TXNL4B: variants seen among roughly 807,000 people sequenced by gnomAD.
The protein encoded by TXNL4B is thioredoxin like 4B, also known as thioredoxin-like protein 4B.
Under a neutral mutation model 13.0 loss-of-function variants are expected in TXNL4B, and 12 were observed. The observed-to-expected ratio is 0.92, with a 90% confidence interval of 0.59 to 1.49. TXNL4B has a LOEUF of 1.49. Ranked by LOEUF, TXNL4B falls within the 40% of genes most tolerant of loss-of-function variation. The pLI is 0.00. For missense variants in TXNL4B, 214 were observed against 173.6 expected, an observed-to-expected ratio of 1.23 and a Z score of -1.31; for synonymous variants, 59 against 58.9, an observed-to-expected ratio of 1.00 and a Z score of -0.01.
chr16:72,088,847 T>G (rs1244503689), intron 3 of TXNL4B, 140 bp downstream of exon 3: 9 of 551,344 alleles, frequency 1.6e-5, no homozygotes, highest in Non-Finnish European at 2.5e-5. Context: ...GCATAAAAAA[T>G]TAGAGAGTGC....
rs1597429320 is a variant in TXNL4B, at chr16:72,088,848, T to C, written c.284+139A>G. 1.3e-5 allele frequency: 7 copies of C among 552,982 alleles called. No homozygotes were observed. The East Asian group carries it at 2.0e-4, about 16-fold the overall frequency. 34.3% of individuals were successfully genotyped at this position (552,982 alleles called of 1,614,324 possible). The stretch of plus-strand genomic sequence containing the variant: ...TGTAGCAAGGTTTTGCATAAAAAAT[T>C]AGAGAGTGCGTCAATTGGGGAAACA... On this transcript the variant is annotated intron_variant, in intron 3 of 3. Coordinates refer to ENST00000268483, the MANE Select transcript of TXNL4B (RefSeq NM_017853.3).
At chr16:72,088,206 C>T (rs565704246) in intron 3 of TXNL4B, among the ~76,000 whole-genome samples, 22 of 152,180 alleles carry the variant, frequency 1.4e-4, no homozygotes, top group African/African-American at 3.1e-4. Context: ...TCAAATGATC[C>T]GCCTGCCTTG....
Position 72,085,099 on chromosome 16 carries a change from T to C in TXNL4B, c.*1538A>G. 1 of 398,396 alleles carries C rather than the reference T, an allele frequency of 2.5e-6. No homozygotes were observed. The highest frequency in any genetic ancestry group is 4.4e-6 in the Non-Finnish European group (1 of 226,030). The allele number at this position is 398,396 out of a possible 1,614,324, so 24.7% of individuals were successfully genotyped here. ...CAGAGGTGATGGCCTCCTCCTCTCC[T>C]TTTGTCTTATTCCTGGAGTGACTCC... On this transcript the variant is annotated 3_prime_UTR_variant, in exon 4 of 4. Transcript: ENST00000268483.
At chr16:72,087,649 TTGTG>T (rs1253075451) in intron 3 of TXNL4B, among the ~76,000 whole-genome samples, 1 of 112,742 alleles carries the variant, frequency 8.9e-6, no homozygotes, top group East Asian at 2.1e-4. Context: ...TAAAATACTT[TTGTG>T]TTTTTTTTTT....
In TXNL4B at chr16:72,085,006, TAAG is replaced by T. The variant is rs1567594376; in HGVS notation, c.*1628_*1630del. 2 of 398,514 alleles carry T rather than the reference TAAG, an allele frequency of 5.0e-6. No individual in the cohort carries two copies. Among genetic ancestry groups the T allele is most frequent in the Non-Finnish European group, 8.8e-6 (2 of 226,084 alleles). 24.7% of individuals were successfully genotyped at this position (398,514 alleles called of 1,614,324 possible). A position where few individuals can be genotyped will look rare whatever the true frequency, so the allele number is the denominator to read the frequency against. On this transcript the variant is annotated 3_prime_UTR_variant, in exon 4 of 4. Transcript: ENST00000268483. ...CGTGATGCTGGGCACCTCGGGGACC[TAAG>T]ATGGCTGTTGTAGCTCCATGCATCA...
intron 2 of TXNL4B, 95 bp downstream of exon 2, chr16:72,090,523 C>T: frequency 2.3e-6 from 3 of 1,332,700 alleles, no homozygotes; most frequent in Admixed American, 1.9e-5. Context: ...GCTATATACC[C>T]AACCCTGACT....
intron 3 of TXNL4B, among the ~76,000 whole-genome samples, chr16:72,087,626 G>C (rs1347267031): frequency 1.3e-5 from 2 of 150,228 alleles, no homozygotes; most frequent in Admixed American, 1.3e-4. Context: ...TGTTCCAGTA[G>C]AATAAACAGC....
chr16:72,086,509 A>T lies in TXNL4B; in HGVS notation c.*128T>A. 1 of 819,998 alleles carries T rather than the reference A, an allele frequency of 1.2e-6. No homozygotes were observed. The highest frequency in any genetic ancestry group is 1.8e-6 in the Non-Finnish European group (1 of 550,622). The allele number at this position is 819,998 out of a possible 1,614,324, so 50.8% of individuals were successfully genotyped here. ...CTTTTCCTCAGGGGCCGGGTTTTCT[A>T]CACGCAAGTCAAACCTCTTCTCCTC... On this transcript the variant is annotated 3_prime_UTR_variant, in exon 4 of 4. Transcript: ENST00000268483.
chr16:72,088,840 TA>T, intron 3 of TXNL4B, 146 bp downstream of exon 3: 1 of 535,438 alleles, frequency 1.9e-6, no homozygotes, highest in Non-Finnish European at 3.2e-6. Context: ...AGGTTTTGCA[TA>T]AAAAATTAGA....
upstream of TXNL4B, chr16:72,093,704 CT>C: frequency 1.3e-5 from 2 of 152,574 alleles, no homozygotes; most frequent in Non-Finnish European, 2.9e-5. Flanking sequence ...GATGGTCGAC[CT>C]TTTTCCCCTC....
chr16:72,090,493 A>G, intron 2 of TXNL4B, 125 bp downstream of exon 2: 6 of 931,656 alleles, frequency 6.4e-6, no homozygotes, highest in Non-Finnish European at 8.0e-6. Flanking sequence ...ATCAGCTCTT[A>G]GTGAACTAAC....
upstream of TXNL4B, chr16:72,094,061 CCTT>C (rs1468673397): frequency 6.6e-6 from 1 of 152,300 alleles, no homozygotes; most frequent in Non-Finnish European, 1.5e-5. Context: ...GGTGAGAGTC[CCTT>C]CTTCCTTCCT....
rs12325171 is a variant in TXNL4B at position 72,084,981 on chromosome 16, C to T, written c.*1656G>A. The T allele has an allele frequency of 0.02, 8,164 of 398,552 alleles. 501 individuals carry two copies. Among genetic ancestry groups the T allele is most frequent in the African/African-American group, 0.15 (7,061 of 48,688 alleles). The allele number at this position is 398,552 out of a possible 1,614,324, so 24.7% of individuals were successfully genotyped here. On this transcript the variant is annotated 3_prime_UTR_variant, in exon 4 of 4. Coordinates refer to ENST00000268483, the MANE Select transcript of TXNL4B (RefSeq NM_017853.3). ...TTCTTCTTAGCATATCGATGTTTTACGTGATGCTGGGCACCTCGGGGACCT... is the reference window on the plus strand; with the variant it reads ...TTCTTCTTAGCATATCGATGTTTTATGTGATGCTGGGCACCTCGGGGACCT...
At chr16:72,089,850 A>G (rs558008756) in intron 2 of TXNL4B, among the ~76,000 whole-genome samples, 3 of 152,342 alleles carry the variant, frequency 2.0e-5, no homozygotes, top group Admixed American at 2.0e-4. Context: ...CATTTTATAG[A>G]TAGGGAAACT....
chr16:72,090,572 T>C, intron 2 of TXNL4B, 46 bp downstream of exon 2: 1 of 1,597,790 alleles, frequency 6.3e-7, no homozygotes, highest in South Asian at 1.1e-5. Context: ...GAAGTGAGAA[T>C]ATACAGATTA....
intron 1 of TXNL4B, 42 bp from the exon 2 acceptor site, chr16:72,090,828 T>C: frequency 1.3e-6 from 2 of 1,541,106 alleles, no homozygotes; most frequent in African/African-American, 1.4e-5. Context: ...TTAGATTAAG[T>C]GCGTGAGCCC....
At chr16:72,091,546 A>G (rs942618255) in intron 1 of TXNL4B, among the ~76,000 whole-genome samples, 36 of 152,262 alleles carry the variant, frequency 2.4e-4, no homozygotes, top group African/African-American at 8.0e-4. Context: ...TCTACTCTTC[A>G]GCACTTTTCA....
Position 72,085,249 on chromosome 16 carries a change from G to A in TXNL4B, c.*1388C>T. ...GGGTGGAATGGAGCCCCTGGCAAAG[G>A]GGGCTGGACTTGCAGTGACAGTGCT... On this transcript the variant is annotated 3_prime_UTR_variant, in exon 4 of 4. Coordinates refer to ENST00000268483, the MANE Select transcript of TXNL4B (RefSeq NM_017853.3). 2 of 371,976 alleles carry A rather than the reference G, an allele frequency of 5.4e-6. No homozygotes were observed. The highest frequency in any genetic ancestry group is 7.8e-5 in the East Asian group (2 of 25,796). The allele number at this position is 371,976 out of a possible 1,614,324, so 23.0% of individuals were successfully genotyped here.
intron 1 of TXNL4B, among the ~76,000 whole-genome samples, 162 bp downstream of exon 1, chr16:72,093,205 C>T (rs2041943432): frequency 6.6e-6 from 1 of 152,234 alleles, no homozygotes; most frequent in South Asian, 2.1e-4. Flanking sequence ...TCCAGAAAAA[C>T]AACTGGAAAT....
Sources: allele counts gnomAD v4.1 joint callset (sites outside exome capture counted in the v4.1 genomes callset), GRCh38; gene constraint gnomAD v4.1.1; transcripts MANE v1.5; gene names NCBI Gene and HGNC (gene_info 2026-07-23, HGNC 2026-07-21).